The following DDX10 variants were observed in gnomAD, a reference collection of about 807,000 sequenced individuals.
The protein encoded by DDX10 is probable ATP-dependent RNA helicase DDX10.
In DDX10, 74 loss-of-function variants were observed where a neutral mutation model predicts 104.3. The observed-to-expected ratio is 0.71, with a 90% confidence interval of 0.59 to 0.86. DDX10 has a LOEUF of 0.86. DDX10 is among the 40% of genes least tolerant of loss of function. DDX10 has a pLI of 0.00. For synonymous variants in DDX10, 351 were observed against 353.4 expected, an observed-to-expected ratio of 0.99 and a Z score of 0.08; for missense variants, 952 against 1,040.0, an observed-to-expected ratio of 0.92 and a Z score of 1.16.
chr11:108,884,937 G>T (rs570582961), intron 16 of DDX10, among the ~76,000 whole-genome samples: 1 of 152,112 alleles, frequency 6.6e-6, no homozygotes, highest in South Asian at 2.1e-4. Context: ...TTTATAATAT[G>T]ACTCATTTTT....
chr11:108,837,607 C>CATTTTTTTT (rs1862572546), intron 13 of DDX10, among the ~76,000 whole-genome samples: 1 of 34,722 alleles, frequency 2.9e-5, no homozygotes, highest in East Asian at 1.1e-3. Context: ...TTGGATACAG[C>CATTTTTTTT]TTTTTTTTTT....
chr11:108,913,118 A>G (rs1245893597), intron 16 of DDX10, among the ~76,000 whole-genome samples: 1 of 152,180 alleles, frequency 6.6e-6, no homozygotes, highest in Admixed American at 6.5e-5. Context: ...TATTTTGCCA[A>G]GGTTAAAGGA....
intron 16 of DDX10, among the ~76,000 whole-genome samples, chr11:108,916,489 A>G (rs889631994): frequency 1.3e-5 from 2 of 152,202 alleles, no homozygotes; most frequent in African/African-American, 2.4e-5. Flanking sequence ...AGGTTATCAA[A>G]GAATGTTAGA....
chr11:108,901,490 C>T (rs567030797), intron 16 of DDX10, among the ~76,000 whole-genome samples: 20 of 152,290 alleles, frequency 1.3e-4, no homozygotes, highest in Middle Eastern at 3.4e-3. Context: ...TATGAGCCTA[C>T]GTACGTCTTC....
At chr11:108,931,721 A>T (rs1863977983) in intron 17 of DDX10, among the ~76,000 whole-genome samples, 1 of 152,216 alleles carries the variant, frequency 6.6e-6, no homozygotes, top group South Asian at 2.1e-4. Flanking sequence ...ACTAGATGTT[A>T]TAAAATACCT....
At chr11:108,749,908 T>C (rs2094336356) in intron 13 of DDX10, among the ~76,000 whole-genome samples, 1 of 152,190 alleles carries the variant, frequency 6.6e-6, no homozygotes, top group African/African-American at 2.4e-5. Flanking sequence ...ACTTCTAGTA[T>C]GATGAGCAAT....
chr11:108,896,238 C>T (rs1863439079), intron 16 of DDX10, among the ~76,000 whole-genome samples: 1 of 152,086 alleles, frequency 6.6e-6, no homozygotes, highest in Non-Finnish European at 1.5e-5. Context: ...GACACCGATA[C>T]ATTTAAAAGC....
intron 11 of DDX10, among the ~76,000 whole-genome samples, chr11:108,718,341 T>C (rs1160694781): frequency 2.6e-5 from 4 of 152,194 alleles, no homozygotes; most frequent in Non-Finnish European, 5.9e-5. Context: ...TCACTTTACC[T>C]GAGAACCTTT....
intron 13 of DDX10, among the ~76,000 whole-genome samples, chr11:108,756,700 C>T (rs922946485): frequency 2.0e-5 from 3 of 151,932 alleles, no homozygotes; most frequent in African/African-American, 4.8e-5. Flanking sequence ...TTCAGAAGTC[C>T]CCTTCATTGC....
chr11:108,769,720 C>G (rs1446522179), intron 13 of DDX10, among the ~76,000 whole-genome samples: 1 of 152,064 alleles, frequency 6.6e-6, no homozygotes, highest in East Asian at 1.9e-4. Flanking sequence ...CCCTCCAGGT[C>G]CTATTTTATA....
At chr11:108,790,898 A>G (rs1042281906) in intron 13 of DDX10, among the ~76,000 whole-genome samples, 1 of 152,138 alleles carries the variant, frequency 6.6e-6, no homozygotes, top group African/African-American at 2.4e-5. Flanking sequence ...TTGTCTTCAC[A>G]TTGCCCTAAT....
intron 16 of DDX10, among the ~76,000 whole-genome samples, chr11:108,866,885 C>G (rs1229677774): frequency 6.6e-6 from 1 of 152,110 alleles, no homozygotes; most frequent in Non-Finnish European, 1.5e-5. Flanking sequence ...AAATAATGGA[C>G]ATAATTATAG....
chr11:108,845,333 T>C (rs983486505), intron 15 of DDX10, among the ~76,000 whole-genome samples: 12 of 152,242 alleles, frequency 7.9e-5, no homozygotes, highest in African/African-American at 2.9e-4. Flanking sequence ...TTTGCTTTAA[T>C]TAATTGCTTT....
chr11:108,841,886 A>C (rs1862643601), intron 15 of DDX10, among the ~76,000 whole-genome samples: 1 of 152,188 alleles, frequency 6.6e-6, no homozygotes, highest in South Asian at 2.1e-4. Context: ...TTTTTCACTC[A>C]GCATTATTCT....
At chr11:108,697,080 T>G (rs535980655) in intron 9 of DDX10, among the ~76,000 whole-genome samples, 1 of 152,276 alleles carries the variant, frequency 6.6e-6, no homozygotes, top group South Asian at 2.1e-4. Flanking sequence ...AATACTAATC[T>G]GAAAAAAATG....
chr11:108,679,662 G>A, intron 6 of DDX10, 102 bp downstream of exon 6: 3 of 866,538 alleles, frequency 3.5e-6, no homozygotes, highest in Non-Finnish European at 5.1e-6. Context: ...GACATTCTAT[G>A]AGTTATTGGT....
chr11:108,830,375 A>G (rs1862452925), intron 13 of DDX10, among the ~76,000 whole-genome samples: 1 of 152,288 alleles, frequency 6.6e-6, no homozygotes, highest in Admixed American at 6.5e-5. Flanking sequence ...CTGTTGGTGT[A>G]TAGCAGTGCT....
chr11:108,852,475 A>G (rs1862807721), intron 16 of DDX10, among the ~76,000 whole-genome samples: 1 of 152,034 alleles, frequency 6.6e-6, no homozygotes, highest in African/African-American at 2.4e-5. Flanking sequence ...GGCCCCATTT[A>G]CTCCACCACT....
intron 9 of DDX10, among the ~76,000 whole-genome samples, chr11:108,698,427 C>G (rs1000818035): frequency 6.6e-6 from 1 of 152,156 alleles, no homozygotes; most frequent in Admixed American, 6.5e-5. Flanking sequence ...GTGGCTGATG[C>G]TTCTTTACGT....
Sources: allele counts gnomAD v4.1 joint callset (sites outside exome capture counted in the v4.1 genomes callset), GRCh38; gene constraint gnomAD v4.1.1; transcripts MANE v1.5; gene names NCBI Gene and HGNC (gene_info 2026-07-23, HGNC 2026-07-21).